The following SLC24A2 variants were observed in gnomAD, a reference collection of about 807,000 sequenced individuals.
SLC24A2 encodes the protein sodium/potassium/calcium exchanger 2.
A neutral mutation model predicts 62.0 loss-of-function variants in SLC24A2; 36 were observed. That is an observed-to-expected ratio of 0.58 (90% CI 0.44 to 0.77). The LOEUF (loss-of-function observed/expected upper bound fraction) is 0.77. Ranked by LOEUF, SLC24A2 falls within the 30% of genes least tolerant of loss-of-function variation. SLC24A2 has a pLI of 0.00. For missense variants in SLC24A2, 846 were observed against 817.9 expected (o/e 1.03, Z -0.42); for synonymous variants, 358 against 294.0 (o/e 1.22, Z -2.23).
the SLC24A2 span, among the ~76,000 whole-genome samples, chr9:19,966,566 C>T: frequency 2.0e-5 from 3 of 152,154 alleles, no homozygotes. Flanking sequence ...CTTAAATATT[C>T]TTGTCCTTGG....
At chr9:19,986,972 T>G in the SLC24A2 span, among the ~76,000 whole-genome samples, 2 of 152,046 alleles carry the variant, frequency 1.3e-5, no homozygotes, top group Admixed American at 1.3e-4. Context: ...AGGATACTGT[T>G]GGTGCTGATG....
At chr9:20,232,218 A>C in the SLC24A2 span, among the ~76,000 whole-genome samples, 10 of 152,280 alleles carry the variant, frequency 6.6e-5, no homozygotes, top group South Asian at 6.2e-4. Context: ...TGTCTCTGCC[A>C]GGCTTTGGTA....
the SLC24A2 span, among the ~76,000 whole-genome samples, chr9:20,243,000 C>G: frequency 1.2e-4 from 19 of 152,242 alleles, no homozygotes; most frequent in South Asian, 3.3e-3. Flanking sequence ...CATAAGGTGC[C>G]AAGACCTTTC....
At chr9:19,667,016 T>C (rs1429093253) in intron 2 of SLC24A2, among the ~76,000 whole-genome samples, 1 of 152,220 alleles carries the variant, frequency 6.6e-6, no homozygotes, top group Non-Finnish European at 1.5e-5. Flanking sequence ...TTTTAATATT[T>C]GTATAACTGG....
At chr9:20,022,867 A>T in the SLC24A2 span, among the ~76,000 whole-genome samples, 3 of 152,246 alleles carry the variant, frequency 2.0e-5, no homozygotes, top group South Asian at 2.1e-4. Context: ...GTATTGGAAT[A>T]TCTGCTATGT....
intron 2 of SLC24A2, among the ~76,000 whole-genome samples, chr9:19,735,285 T>C (rs1241137859): frequency 1.3e-5 from 2 of 151,936 alleles, no homozygotes; most frequent in Non-Finnish European, 2.9e-5. Context: ...ATCAGAGAAA[T>C]GCAAATCAAA....
rs551420753 is a variant in SLC24A2 at position 19,647,530 on chromosome 9, TGGCTACTGGCTTA to T, written c.931-25244_931-25232del. 4.8e-3 allele frequency among the ~76,000 whole-genome samples: 735 copies of T among 152,284 alleles called. 4 individuals are homozygous for T. The highest frequency in any genetic ancestry group is 0.017 in the African/African-American group (697 of 41,538). On this transcript the variant is annotated intron_variant, in intron 2 of 10. Transcript: ENST00000341998. ...ACAGCAGCAAGCATTGCCCAGAACA[TGGCTACTGGCTTA>T]GCAATGCCATGGAGGGGATGCAGAA...
At chr9:19,913,174 T>G in the SLC24A2 span, among the ~76,000 whole-genome samples, 82 of 152,230 alleles carry the variant, frequency 5.4e-4, no homozygotes, top group Middle Eastern at 3.4e-3. Context: ...ACTATCTATT[T>G]GCTAATGACT....
intron 8 of SLC24A2, among the ~76,000 whole-genome samples, chr9:19,534,652 T>G (rs1027061543): frequency 6.6e-6 from 1 of 152,204 alleles, no homozygotes; most frequent in Non-Finnish European, 1.5e-5. Context: ...AATGATAGTT[T>G]CCAGCTTCAT....
At chr9:19,961,672 C>T in the SLC24A2 span, among the ~76,000 whole-genome samples, 1 of 152,158 alleles carries the variant, frequency 6.6e-6, no homozygotes, top group South Asian at 2.1e-4. Context: ...CTAAGTAACT[C>T]ATTTCTAACT....
the SLC24A2 span, among the ~76,000 whole-genome samples, chr9:20,041,202 A>AAG: frequency 0.54 from 82,830 of 152,048 alleles, 23,363 homozygotes; most frequent in East Asian, 0.76. Flanking sequence ...GAGAAAAAGA[A>AAG]AGAGAGATAG....
chr9:20,126,050 A>C, the SLC24A2 span, among the ~76,000 whole-genome samples: 2 of 152,160 alleles, frequency 1.3e-5, no homozygotes, highest in Admixed American at 6.6e-5. Flanking sequence ...GTGAGTGCTC[A>C]CCCGATTTTT....
intron 2 of SLC24A2, among the ~76,000 whole-genome samples, chr9:19,685,299 T>A (rs1004944128): frequency 6.6e-6 from 1 of 152,170 alleles, no homozygotes; most frequent in African/African-American, 2.4e-5. Flanking sequence ...TGCTCATTGA[T>A]TGGAAGAATC....
At chr9:20,230,322 A>G in the SLC24A2 span, among the ~76,000 whole-genome samples, 2 of 152,174 alleles carry the variant, frequency 1.3e-5, no homozygotes, top group Admixed American at 1.3e-4. Context: ...GATTTCCACA[A>G]TGGTTGAACT....
At position 19,647,269 on chromosome 9, in the gene SLC24A2, G is replaced by A. The variant is rs76291664; in HGVS notation, c.931-24970C>T. ...TAAGCATTTATTAAAGGTGTTCACA[G>A]AAATATTTAGCTGTTACAACTCTTC... On this transcript the variant is annotated intron_variant, in intron 2 of 10. Coordinates refer to ENST00000341998, the MANE Select transcript of SLC24A2 (RefSeq NM_020344.4). 1.2e-4 allele frequency among the ~76,000 whole-genome samples: 17 copies of A among 144,168 alleles called. No individual in the cohort carries two copies. The East Asian group carries it at 2.1e-3, about 18-fold the overall frequency. The allele number at this position is 144,168 out of a possible 152,430, so 94.6% of individuals were successfully genotyped here. A position where few individuals can be genotyped will look rare whatever the true frequency, so the allele number is the denominator to read the frequency against.
At chr9:20,054,602 G>T in the SLC24A2 span, among the ~76,000 whole-genome samples, 1 of 152,106 alleles carries the variant, frequency 6.6e-6, no homozygotes, top group African/African-American at 2.4e-5. Flanking sequence ...TCCCTCCTGA[G>T]TTTTCAAAGT....
chr9:19,750,736 T>C (rs1821957894), intron 2 of SLC24A2, among the ~76,000 whole-genome samples: 2 of 152,164 alleles, frequency 1.3e-5, no homozygotes, highest in Admixed American at 1.3e-4. Context: ...CAAAGGTCCT[T>C]CAAGGTCTGG....
chr9:19,544,787 A>G (rs1834465687), intron 8 of SLC24A2, among the ~76,000 whole-genome samples: 2 of 152,218 alleles, frequency 1.3e-5, no homozygotes, highest in African/African-American at 4.8e-5. Context: ...GTTCCTGCAG[A>G]GAGATCTGCT....
At position 19,517,951 on chromosome 9, in the gene SLC24A2, A is replaced by T. The variant is rs868596288; in HGVS notation, c.1737-1549T>A. 8.4e-3 allele frequency among the ~76,000 whole-genome samples: 1,241 copies of T among 147,266 alleles called. 31 individuals are homozygous for T. Among genetic ancestry groups the T allele is most frequent in the Admixed American group, 0.042 (611 of 14,620 alleles). On this transcript the variant is annotated intron_variant, in intron 10 of 10. Coordinates refer to ENST00000341998, the MANE Select transcript of SLC24A2 (RefSeq NM_020344.4). ...CACACACACACACACACACACACAC[A>T]CACACACTCTCACACTTCTAGTGAA...
Sources: allele counts gnomAD v4.1 joint callset (sites outside exome capture counted in the v4.1 genomes callset), GRCh38; gene constraint gnomAD v4.1.1; transcripts MANE v1.5; gene names NCBI Gene and HGNC (gene_info 2026-07-23, HGNC 2026-07-21).